BBS2: variants seen among roughly 807,000 people sequenced by gnomAD.
BBS2 encodes the protein BBSome complex member BBS2.
BBS2 carries 62 observed loss-of-function variants against 83.0 expected under a neutral mutation model. The ratio of observed to expected loss-of-function variants is 0.75; its 90% confidence interval spans 0.61 to 0.92. The LOEUF (loss-of-function observed/expected upper bound fraction) is 0.92. Ranked by LOEUF, BBS2 falls within the 40% of genes least tolerant of loss-of-function variation. The pLI, the probability that BBS2 is intolerant of heterozygous loss-of-function variation, is 0.00. For missense variants in BBS2, 784 were observed against 901.0 expected (o/e 0.87, Z 1.66); for synonymous variants, 303 against 326.1 (o/e 0.93, Z 0.76).
intron 2 of BBS2, among the ~76,000 whole-genome samples, chr16:56,512,917 C>A (rs1046143392): frequency 5.3e-5 from 8 of 152,172 alleles, no homozygotes; most frequent in Non-Finnish European, 1.2e-4. Flanking sequence ...CTTTGGGAAG[C>A]TGAGGCAGGA....
chr16:56,488,028 TA>T (rs1365064577), intron 15 of BBS2, among the ~76,000 whole-genome samples: 2 of 152,190 alleles, frequency 1.3e-5, no homozygotes, highest in Non-Finnish European at 2.9e-5. Flanking sequence ...TGAACGTATT[TA>T]ATGCCACTGA....
chr16:56,479,151 T>A (rs373460740), intron 17 of BBS2: 1 of 152,222 alleles, frequency 6.6e-6, no homozygotes, highest in African/African-American at 2.4e-5. Context: ...CCAATTCTTA[T>A]AACTCCCATT....
chr16:56,486,832 G>C (rs1475756651), intron 15 of BBS2, among the ~76,000 whole-genome samples: 1 of 145,142 alleles, frequency 6.9e-6, no homozygotes, highest in Non-Finnish European at 1.5e-5. Flanking sequence ...GCACGATCTC[G>C]GATCACTGCA....
rs1319616745 is a variant in BBS2 at position 56,519,802 on chromosome 16, T to C, written c.61A>G (p.Ile21Val). Residue 21 changes from isoleucine (I) to valine (V), a missense_variant, in exon 1 of 17, where the codon ATA (isoleucine) becomes GTA (valine). By Grantham distance (29) the Ile-to-Val change is conservative. Transcript: ENST00000245157. Reference sequence around the variant, plus strand: ...GGGTGAGTCCCGTCGTAGCGCCCTATGGCCACCATTCGGGGGCTGATTTTG... The same window carrying C: ...GGGTGAGTCCCGTCGTAGCGCCCTACGGCCACCATTCGGGGGCTGATTTTG... ...RHKISPRMVA[I>V]GRYDGTHPCL... is the part of the protein sequence containing the mutation. 4.3e-6 allele frequency: 7 copies of C among 1,613,698 alleles called. No individual in the cohort carries two copies. In the African/African-American group the frequency reaches 8.0e-5, roughly 18 times the overall value.
intron 17 of BBS2, chr16:56,475,391 TACTGCTGA>T: frequency 2.2e-6 from 2 of 908,018 alleles, no homozygotes; most frequent in Non-Finnish European, 3.6e-6. Flanking sequence ...TAGAACCAGT[TACTGCTGA>T]ACTCCCAGAT....
At chr16:56,517,353 C>T (rs1964779624) in intron 1 of BBS2, among the ~76,000 whole-genome samples, 1 of 152,190 alleles carries the variant, frequency 6.6e-6, no homozygotes, top group African/African-American at 2.4e-5. Flanking sequence ...GCCTTCCAGC[C>T]CCAGCGGCTT....
chr16:56,510,865 C>T lies in BBS2; in HGVS notation c.528G>A (p.Lys176=), dbSNP rs751016391. The change falls in exon 4 of 17, where the codon AAG becomes AAA. Residue 176 remains lysine (K), a synonymous_variant. Coordinates refer to ENST00000245157, the MANE Select transcript of BBS2 (RefSeq NM_031885.5). The part of the protein sequence containing the change: ...LALCDFDGDG[K]KELLVGSEDF... ...TATCTCCTCCCCCACATACCTCTTT[C>T]TTTCCATCACCATCAAAGTCACACA... 23 of 1,614,134 alleles carry T rather than the reference C, an allele frequency of 1.4e-5. No homozygotes were observed. In the South Asian group the frequency reaches 2.4e-4, roughly 17 times the overall value.
At chr16:56,493,311 G>A (rs191206474) in intron 15 of BBS2, among the ~76,000 whole-genome samples, 9 of 151,264 alleles carry the variant, frequency 5.9e-5, no homozygotes, top group East Asian at 1.9e-4. Flanking sequence ...CCTTGAGCCC[G>A]GGTGGTTGAA....
At chr16:56,471,698 A>C (rs1410356537) in intron 17 of BBS2, among the ~76,000 whole-genome samples, 1 of 152,242 alleles carries the variant, frequency 6.6e-6, no homozygotes, top group Non-Finnish European at 1.5e-5. Context: ...TTGAGATGCT[A>C]ACTGAAAGCA....
chr16:56,514,802 A>G, intron 1 of BBS2, 122 bp from the exon 2 acceptor site: 1 of 732,876 alleles, frequency 1.4e-6, no homozygotes, highest in Non-Finnish European at 2.3e-6. Context: ...TTAATCTCCT[A>G]TGAAACTTAA....
At chr16:56,471,258 A>C (rs1280787040) in intron 17 of BBS2, among the ~76,000 whole-genome samples, 1 of 151,658 alleles carries the variant, frequency 6.6e-6, no homozygotes, top group Non-Finnish European at 1.5e-5. Context: ...GCTACTCAGG[A>C]GGCTGAGGTG....
chr16:56,475,998 G>A (rs200731732), intron 17 of BBS2: 270 of 1,529,356 alleles, frequency 1.8e-4, no homozygotes, highest in Non-Finnish European at 2.3e-4. Context: ...CAAGATTTGA[G>A]AATAAGTTCT....
chr16:56,498,305 T>C (rs1358657497), intron 13 of BBS2, 132 bp downstream of exon 13: 11 of 1,176,684 alleles, frequency 9.3e-6, no homozygotes, highest in African/African-American at 7.8e-5. Context: ...TTGACATTGA[T>C]GTCCCCCACC....
At chr16:56,484,362 T>C (rs960230629), downstream of BBS2, 5 of 185,354 alleles carry the variant, frequency 2.7e-5, no homozygotes, top group Middle Eastern at 2.6e-3. Flanking sequence ...TTGGTGGTGA[T>C]TTTATAATCA....
At chr16:56,479,568 A>T (rs1963608763), downstream of BBS2, among the ~76,000 whole-genome samples, 1 of 152,238 alleles carries the variant, frequency 6.6e-6, no homozygotes, top group Non-Finnish European at 1.5e-5. Flanking sequence ...ATCACCTGAA[A>T]TCCCACCATC....
chr16:56,500,014 A>C, intron 11 of BBS2, 107 bp from the exon 12 acceptor site: 2 of 1,399,990 alleles, frequency 1.4e-6, no homozygotes, highest in Non-Finnish European at 2.0e-6. Context: ...TTGATATTTA[A>C]GGGTTTCACT....
intron 15 of BBS2, among the ~76,000 whole-genome samples, chr16:56,490,830 C>T (rs1963929697): frequency 6.6e-6 from 1 of 151,420 alleles, no homozygotes; most frequent in Admixed American, 6.6e-5. Context: ...GGTGCGATCT[C>T]AGCTCACTGC....
In BBS2 at chr16:56,502,690, C is replaced by A; in HGVS notation, c.923G>T (p.Cys308Phe). 1 of 1,614,154 alleles carries A rather than the reference C, an allele frequency of 6.2e-7. No homozygotes were observed. The highest frequency in any genetic ancestry group is 1.1e-5 in the South Asian group (1 of 91,078). Residue 308 changes from cysteine (C) to phenylalanine (F), a missense_variant, in exon 8 of 17, where the codon TGC (cysteine) becomes TTC (phenylalanine). Cys to Phe is a radical substitution (Grantham distance 205, BLOSUM62 -2). Transcript: ENST00000245157. Reference protein sequence around the residue: ...RMDGHIQLICCSVDGEIRGYL... With the variant: ...RMDGHIQLICFSVDGEIRGYL... ...CAATTTACTTTCCCCATCCACTGAG[C>A]AGCAGATTAACTGTATGTGGCCATC...
At chr16:56,513,547 G>C (rs1279930043) in intron 2 of BBS2, among the ~76,000 whole-genome samples, 1 of 152,130 alleles carries the variant, frequency 6.6e-6, no homozygotes, top group Admixed American at 6.5e-5. Context: ...CTACAACATG[G>C]ATCAACCTTG....
Sources: gnomAD v4.1 joint callset for allele counts (sites outside exome capture counted in the v4.1 genomes callset) on GRCh38, gnomAD v4.1.1 for gene constraint, MANE v1.5 for transcripts, NCBI Gene and HGNC (gene_info 2026-07-23, HGNC 2026-07-21) for gene names.